The following TENM2 variants were observed in gnomAD, a reference collection of about 807,000 sequenced individuals.
TENM2 encodes the protein teneurin-2.
In TENM2, 52 loss-of-function variants were observed where a neutral mutation model predicts 245.2. The observed-to-expected ratio is 0.21, with a 90% CI of 0.17 to 0.27. The LOEUF (loss-of-function observed/expected upper bound fraction) is 0.27. Ranked by LOEUF, TENM2 falls within the 10% of genes least tolerant of loss-of-function variation. The pLI is 1.00. For synonymous variants in TENM2, 1,363 were observed against 1,438.9 expected (o/e 0.95, Z 1.19); for missense variants, 3,046 against 3,666.8 (o/e 0.83, Z 4.37).
intron 2 of TENM2, among the ~76,000 whole-genome samples, chr5:167,606,625 A>G (rs1474997363): frequency 1.3e-5 from 2 of 151,972 alleles, no homozygotes; most frequent in Non-Finnish European, 2.9e-5. Flanking sequence ...GTAGTTCCCA[A>G]CCCCGACTAC....
chr5:167,682,202 G>T (rs1409520768), intron 2 of TENM2, among the ~76,000 whole-genome samples: 1 of 145,854 alleles, frequency 6.9e-6, no homozygotes, highest in East Asian at 2.1e-4. Flanking sequence ...TTGCTCTGTT[G>T]CCCAGGCTGG....
At chr5:167,883,306 A>G (rs1413673071) in intron 3 of TENM2, among the ~76,000 whole-genome samples, 2 of 152,230 alleles carry the variant, frequency 1.3e-5, no homozygotes, top group African/African-American at 4.8e-5. Flanking sequence ...CTAGCAATGT[A>G]CCAAATAGAG....
intron 1 of TENM2, among the ~76,000 whole-genome samples, chr5:167,353,500 GTTTTTTTTTTTTT>G (rs59240930): frequency 1.3e-5 from 1 of 79,440 alleles, no homozygotes; most frequent in African/African-American, 5.3e-5. Flanking sequence ...TGTTGTTGTT[GTTTTTTTTTTTTT>G]TTTTTTTTTT....
intron 2 of TENM2, among the ~76,000 whole-genome samples, chr5:167,586,352 C>T (rs1191764035): frequency 6.6e-6 from 1 of 152,166 alleles, no homozygotes; most frequent in Non-Finnish European, 1.5e-5. Context: ...GGTCCTGGAA[C>T]CAAGCCCCAC....
At chr5:168,158,837 A>ATT in intron 12 of TENM2, among the ~76,000 whole-genome samples, 1 of 84,230 alleles carries the variant, frequency 1.2e-5, no homozygotes, top group African/African-American at 4.4e-5. Context: ...GTGTATATAT[A>ATT]TATATATATA....
chr5:167,714,283 A>G (rs1759106124), intron 2 of TENM2, among the ~76,000 whole-genome samples: 1 of 152,212 alleles, frequency 6.6e-6, no homozygotes, highest in East Asian at 1.9e-4. Flanking sequence ...ACTAGACTGA[A>G]GAAAGAGAGT....
At chr5:168,183,753 A>C (rs10447202) in intron 13 of TENM2, among the ~76,000 whole-genome samples, 78,317 of 151,698 alleles carry the variant, frequency 0.52, 22,580 homozygotes, top group Admixed American at 0.67. Flanking sequence ...GACTACCCAG[A>C]CTTTCCTTGG....
chr5:168,188,058 A>G (rs1415274983), intron 13 of TENM2, among the ~76,000 whole-genome samples: 1 of 152,254 alleles, frequency 6.6e-6, no homozygotes, highest in African/African-American at 2.4e-5. Flanking sequence ...CAGGCAAAAC[A>G]TGCAACCTCC....
At chr5:167,469,487 A>G (rs994320428) in intron 2 of TENM2, among the ~76,000 whole-genome samples, 4 of 152,180 alleles carry the variant, frequency 2.6e-5, no homozygotes, top group African/African-American at 9.6e-5. Flanking sequence ...TGTCTGCTAT[A>G]GTAAATTATG....
the TENM2 span, among the ~76,000 whole-genome samples, chr5:166,986,410 A>G: frequency 6.6e-6 from 1 of 152,262 alleles, no homozygotes; most frequent in African/African-American, 2.4e-5. Context: ...CCCACTTGTT[A>G]TCATCATACA....
intron 12 of TENM2, among the ~76,000 whole-genome samples, chr5:168,135,349 G>A (rs1241208610): frequency 6.6e-6 from 1 of 152,098 alleles, no homozygotes; most frequent in African/African-American, 2.4e-5. Context: ...CTGCCTAATT[G>A]GGTTCAATCT....
At chr5:167,068,256 C>G in the TENM2 span, among the ~76,000 whole-genome samples, 39 of 152,250 alleles carry the variant, frequency 2.6e-4, no homozygotes, top group African/African-American at 8.9e-4. Context: ...TAGCATGGGA[C>G]CCAGGTCCTT....
intron 1 of TENM2, among the ~76,000 whole-genome samples, chr5:167,307,322 T>C (rs532176487): frequency 6.6e-6 from 1 of 152,168 alleles, no homozygotes; most frequent in Non-Finnish European, 1.5e-5. Context: ...GTGGCCAGTG[T>C]CACTCCCATC....
the TENM2 span, among the ~76,000 whole-genome samples, chr5:167,135,783 G>A: frequency 0.18 from 27,284 of 151,916 alleles, 3,741 homozygotes; most frequent in African/African-American, 0.38. Context: ...GCAACAGAGC[G>A]AGACTCCATC....
At chr5:167,082,801 T>G in the TENM2 span, among the ~76,000 whole-genome samples, 1 of 152,164 alleles carries the variant, frequency 6.6e-6, no homozygotes, top group Non-Finnish European at 1.5e-5. Context: ...ATTTTTACAA[T>G]TACTTTCTAT....
At chr5:167,926,717 AC>A (rs1777790673) in intron 3 of TENM2, among the ~76,000 whole-genome samples, 2 of 114,586 alleles carry the variant, frequency 1.7e-5, no homozygotes, top group African/African-American at 7.6e-5. Flanking sequence ...GTGAGATTCC[AC>A]CACACACACA....
At chr5:167,945,647 C>T (rs896086842) in intron 3 of TENM2, among the ~76,000 whole-genome samples, 2 of 152,108 alleles carry the variant, frequency 1.3e-5, no homozygotes, top group Admixed American at 6.5e-5. Flanking sequence ...CTGTAATTCC[C>T]GTGTTCCGCT....
the TENM2 span, among the ~76,000 whole-genome samples, chr5:167,125,568 G>T: frequency 6.6e-6 from 1 of 152,134 alleles, no homozygotes; most frequent in Admixed American, 6.5e-5. Flanking sequence ...ACATTTCTGG[G>T]ATTAGATGCT....
chr5:167,214,368 T>C, the TENM2 span, among the ~76,000 whole-genome samples: 1 of 152,134 alleles, frequency 6.6e-6, no homozygotes, highest in Non-Finnish European at 1.5e-5. Flanking sequence ...AGGCAATAGA[T>C]CTCTATAGAA....
Sources: allele counts gnomAD v4.1 joint callset (sites outside exome capture counted in the v4.1 genomes callset), GRCh38; gene constraint gnomAD v4.1.1; transcripts MANE v1.5; gene names NCBI Gene and HGNC (gene_info 2026-07-23, HGNC 2026-07-21).